ZNF283: variants seen among roughly 807,000 people sequenced by gnomAD.
ZNF283 encodes zinc finger protein 283.
ZNF283 carries 10 observed loss-of-function variants against 9.2 expected under a neutral mutation model. That is an observed-to-expected ratio of 1.09 (90% CI 0.67 to 1.85). The LOEUF is 1.85. Among genes scored for constraint, ZNF283 ranks in the 40% most tolerant of loss-of-function variants. ZNF283 has a pLI of 0.00. For synonymous variants in ZNF283, 234 were observed against 244.1 expected, an observed-to-expected ratio of 0.96 and a Z score of 0.38; for missense variants, 631 against 760.1, an observed-to-expected ratio of 0.83 and a Z score of 2.00.
intron 4 of ZNF283, among the ~76,000 whole-genome samples, chr19:43,834,691 G>A (rs533060268): frequency 2.2e-4 from 34 of 152,184 alleles, no homozygotes; most frequent in African/African-American, 7.2e-4. Flanking sequence ...TGCCTCCCGG[G>A]TTCACGCCAT....
intron 2 of ZNF283, among the ~76,000 whole-genome samples, chr19:43,830,901 TAAAAA>T (rs367850643): frequency 2.7e-5 from 2 of 73,840 alleles, no homozygotes; most frequent in African/African-American, 6.4e-5. Context: ...AGACTCCATC[TAAAAA>T]AAAAAAAAAA....
Position 43,837,089 on chromosome 19 carries a change from T to C in ZNF283, c.247T>C (p.Ser83Pro), listed in dbSNP as rs1430393859. The change falls in exon 6 of 7, where the codon TCT becomes CCT. Residue 83 changes from serine to proline, a missense_variant. By Grantham distance (74) the Ser-to-Pro change is moderately conservative (BLOSUM62 -1). This residue lies in a region of ZNF283 where 184 missense variants were observed against 220.0 expected (regional missense o/e 0.84). Transcript: ENST00000618787. ...VTFRDVAIDF[S>P]QEEWECLDPA... The stretch of plus-strand genomic sequence containing the variant: ...ATTCAGGGATGTGGCCATCGACTTC[T>C]CTCAGGAGGAGTGGGAATGCCTGGA... 1.9e-6 allele frequency: 3 copies of C among 1,614,072 alleles called. No homozygotes were observed. Among genetic ancestry groups the C allele is most frequent in the Non-Finnish European group, 2.5e-6 (3 of 1,180,020 alleles).
intron 5 of ZNF283, 90 bp from the exon 6 acceptor site, chr19:43,836,963 C>G: frequency 1.4e-6 from 2 of 1,411,548 alleles, no homozygotes; most frequent in African/African-American, 1.4e-5. Context: ...ATTTCTCCCC[C>G]TCTTTGTAGT....
intron 2 of ZNF283, among the ~76,000 whole-genome samples, chr19:43,830,422 G>A (rs1473094490): frequency 6.6e-6 from 1 of 152,102 alleles, no homozygotes; most frequent in Non-Finnish European, 1.5e-5. Flanking sequence ...TTCCATTGAC[G>A]AGCTTCCAGG....
chr19:43,829,158 G>A (rs1389340278), intron 2 of ZNF283, among the ~76,000 whole-genome samples: 3 of 152,196 alleles, frequency 2.0e-5, no homozygotes, highest in Non-Finnish European at 2.9e-5. Flanking sequence ...GGCTGAGGGA[G>A]GTGGATCATG....
rs1434288125 is a variant in ZNF283 at position 43,829,525 on chromosome 19, G to A, written c.-65+1244G>A. Among the ~76,000 whole-genome samples, 4 of 152,164 alleles carry A rather than the reference G, an allele frequency of 2.6e-5. No individual in the cohort carries two copies. In the East Asian group the frequency reaches 7.7e-4, roughly 29 times the overall value. On this transcript the variant is annotated intron_variant, in intron 2 of 6. Transcript: ENST00000618787. ...TGCCACATCTATAAAATAGGGACAG[G>A]ATAGTACCTACCTAATGGAGTTGAT...
At chr19:43,829,278 G>A (rs768307020) in intron 2 of ZNF283, among the ~76,000 whole-genome samples, 12 of 152,098 alleles carry the variant, frequency 7.9e-5, no homozygotes, top group African/African-American at 1.7e-4. Flanking sequence ...CCAGCTACTC[G>A]GGAGGCTGAG....
rs781304666 is a variant in ZNF283, at chr19:43,848,560, C to G, written c.1959C>G (p.Pro653=). ...VHERTHSNDK[P]YKYNECGEAF... is the part of the protein sequence containing the mutation. ...AGAGAACTCATAGTAATGATAAACC[C>G]TACAAATATAACGAATGTGGGGAAG... The change falls in exon 7 of 7, where the codon CCC becomes CCG. Residue 653 remains proline, a synonymous_variant. Coordinates refer to ENST00000618787, the MANE Select transcript of ZNF283 (RefSeq NM_181845.2). 1 of 1,601,378 alleles carries G rather than the reference C, an allele frequency of 6.2e-7. No individual in the cohort carries two copies. Among genetic ancestry groups the G allele is most frequent in the Non-Finnish European group, 8.5e-7 (1 of 1,170,912 alleles).
chr19:43,850,819 C>G lies in ZNF283; in HGVS notation c.*2178C>G, dbSNP rs1019486095. 3 of 152,194 alleles carry G rather than the reference C, an allele frequency of 2.0e-5. No homozygotes were observed. Among genetic ancestry groups the G allele is most frequent in the African/African-American group, 7.2e-5 (3 of 41,450 alleles). 9.4% of individuals were successfully genotyped at this position (152,194 alleles called of 1,614,324 possible). On this transcript the variant is annotated 3_prime_UTR_variant, in exon 7 of 7. Coordinates refer to ENST00000618787, the MANE Select transcript of ZNF283 (RefSeq NM_181845.2). ...GGTGCCTGTCATGATTTAGTGCTAGCATCAAGGCAGGTTAGTTATGAAGAA... is the reference window on the plus strand; with the variant it reads ...GGTGCCTGTCATGATTTAGTGCTAGGATCAAGGCAGGTTAGTTATGAAGAA...
At chr19:43,835,715 C>CCTG in intron 5 of ZNF283, 123 bp downstream of exon 5, 1 of 716,560 alleles carries the variant, frequency 1.4e-6, no homozygotes. Flanking sequence ...GAGATAAGGA[C>CCTG]TTTGGGGTTG....
At chr19:43,835,460 A>T (rs1284422149) in intron 4 of ZNF283, 45 bp from the exon 5 acceptor site, 1 of 1,275,392 alleles carries the variant, frequency 7.8e-7, no homozygotes, top group African/African-American at 1.5e-5. Flanking sequence ...TCAGGATGGG[A>T]TCACTGAGGC....
At chr19:43,829,166 A>G (rs887893314) in intron 2 of ZNF283, among the ~76,000 whole-genome samples, 2 of 152,168 alleles carry the variant, frequency 1.3e-5, no homozygotes, top group African/African-American at 2.4e-5. Context: ...GAGGTGGATC[A>G]TGAAGTCAGG....
At chr19:43,846,076 G>T (rs562145601) in intron 6 of ZNF283, among the ~76,000 whole-genome samples, 1 of 152,128 alleles carries the variant, frequency 6.6e-6, no homozygotes, top group East Asian at 1.9e-4. Context: ...TATCTTCTTA[G>T]GAACTTTTTA....
chr19:43,837,336 G>T, intron 6 of ZNF283, 157 bp downstream of exon 6: 1 of 675,908 alleles, frequency 1.5e-6, no homozygotes, highest in Non-Finnish European at 2.3e-6. Flanking sequence ...AAATGGGTTT[G>T]TTAAACACGT....
chr19:43,847,664 G>A lies in ZNF283; in HGVS notation c.1063G>A (p.Ala355Thr). The A allele has an allele frequency of 6.2e-7, 1 of 1,613,676 alleles. No homozygotes were observed. Among genetic ancestry groups the A allele is most frequent in the Non-Finnish European group, 8.5e-7 (1 of 1,179,732 alleles). Residue 355 changes from alanine to threonine, a missense_variant, in exon 7 of 7, where the codon GCC becomes ACC. Transcript: ENST00000618787. ...KPYKCKECGK[A>T]FSRGYQLTQH... is the part of the protein sequence containing the mutation. ...TTATAAATGTAAAGAATGTGGGAAG[G>A]CCTTCAGTCGTGGCTATCAGCTTAC...
At chr19:43,837,386 G>A (rs925641762) in intron 6 of ZNF283, 4 of 445,960 alleles carry the variant, frequency 9.0e-6, no homozygotes, top group Admixed American at 3.9e-5. Flanking sequence ...CACCATTCTC[G>A]GGCCCTCCCT....
chr19:43,831,433 T>C, intron 3 of ZNF283, 52 bp downstream of exon 3: 1 of 1,446,570 alleles, frequency 6.9e-7, no homozygotes, highest in Non-Finnish European at 9.4e-7. Flanking sequence ...GCCCCGTTTG[T>C]TCAGTTTTCT....
chr19:43,830,128 G>A lies in ZNF283; in HGVS notation c.-64-1190G>A, dbSNP rs1049430903. 3.3e-5 allele frequency among the ~76,000 whole-genome samples: 5 copies of A among 152,330 alleles called. No individual in the cohort carries two copies. In the East Asian group the frequency reaches 9.6e-4, roughly 29 times the overall value. On this transcript the variant is annotated intron_variant, in intron 2 of 6. Transcript: ENST00000618787. The stretch of plus-strand genomic sequence containing the variant: ...CTTGGCCTTTTGCCTAGGCTGGAGT[G>A]CAGTGGCATGATCATGGCTCACTGT...
chr19:43,828,608 T>A (rs1970572412), intron 2 of ZNF283, among the ~76,000 whole-genome samples: 1 of 152,238 alleles, frequency 6.6e-6, no homozygotes, highest in Non-Finnish European at 1.5e-5. Flanking sequence ...AATTAGGTGG[T>A]GTTATATAAA....
Sources: gnomAD v4.1 joint callset for allele counts (sites outside exome capture counted in the v4.1 genomes callset) on GRCh38, gnomAD v4.1.1 for gene constraint, gnomAD v4.1.1 regional missense constraint, MANE v1.5 for transcripts, NCBI Gene and HGNC (gene_info 2026-07-23, HGNC 2026-07-21) for gene names.